SLC22A25: variants seen among roughly 807,000 people sequenced by gnomAD.
The protein encoded by SLC22A25 is solute carrier family 22 member 25.
Under a neutral mutation model 45.9 loss-of-function variants are expected in SLC22A25, and 44 were observed. The ratio of observed to expected loss-of-function variants is 0.96; its 90% CI spans 0.75 to 1.23. SLC22A25 has a LOEUF of 1.23. Ranked by LOEUF, SLC22A25 falls within the 50% of genes most tolerant of loss-of-function variation. The pLI is 0.00. For missense variants in SLC22A25, 800 were observed against 666.4 expected, an observed-to-expected ratio of 1.20 and a Z score of -2.21; for synonymous variants, 283 against 238.6, an observed-to-expected ratio of 1.19 and a Z score of -1.72.
At chr11:63,183,362 A>T (rs911950890) in intron 8 of SLC22A25, among the ~76,000 whole-genome samples, 1 of 152,146 alleles carries the variant, frequency 6.6e-6, no homozygotes, top group Non-Finnish European at 1.5e-5. Flanking sequence ...TTACCCTGAA[A>T]GAAGGCCACA....
intron 3 of SLC22A25, among the ~76,000 whole-genome samples, chr11:63,230,647 T>C (rs753768696): frequency 6.6e-6 from 1 of 151,804 alleles, no homozygotes; most frequent in Non-Finnish European, 1.5e-5. Flanking sequence ...TTAAAAAAAA[T>C]TTATTTATTT....
At chr11:63,225,669 T>G (rs1056924710) in intron 5 of SLC22A25, among the ~76,000 whole-genome samples, 5 of 152,168 alleles carry the variant, frequency 3.3e-5, no homozygotes, top group Admixed American at 1.3e-4. Context: ...TATTGATATC[T>G]TTCTCTGTAT....
In SLC22A25 at chr11:63,185,854, C is replaced by G. The variant is rs1164471843; in HGVS notation, c.831-2037G>C. Among the ~76,000 whole-genome samples the G allele has an allele frequency of 4.2e-3, 619 of 149,016 alleles. 6 individuals carry two copies. The highest frequency in any genetic ancestry group is 0.014 in the African/African-American group (585 of 40,392). On this transcript the variant is annotated intron_variant, in intron 7 of 11. Coordinates refer to ENST00000306494, the MANE Select transcript of SLC22A25 (RefSeq NM_199352.6). ...TGATGATTTCCAATTTCATCCATGTCCCTACAAAGGACGTGAACTCATCAT... is the reference window on the plus strand; with the variant it reads ...TGATGATTTCCAATTTCATCCATGTGCCTACAAAGGACGTGAACTCATCAT...
chr11:63,187,336 G>A (rs1254783618), intron 7 of SLC22A25, among the ~76,000 whole-genome samples: 4 of 152,068 alleles, frequency 2.6e-5, no homozygotes, highest in Non-Finnish European at 4.4e-5. Context: ...TCATGATTTG[G>A]CTCTCTGTTT....
intron 7 of SLC22A25, among the ~76,000 whole-genome samples, chr11:63,193,751 C>T (rs1590836201): frequency 6.6e-6 from 1 of 152,224 alleles, no homozygotes; most frequent in African/African-American, 2.4e-5. Context: ...CAGAGTGCCT[C>T]TTCTCCTCCA....
At chr11:63,179,966 T>C (rs1052602714) in intron 9 of SLC22A25, among the ~76,000 whole-genome samples, 3 of 152,108 alleles carry the variant, frequency 2.0e-5, no homozygotes, top group African/African-American at 7.2e-5. Flanking sequence ...TTTCCTTCCC[T>C]GTGAGGGAAA....
chr11:63,163,638 C>T lies in SLC22A25; in HGVS notation c.*186G>A. On this transcript the variant is annotated 3_prime_UTR_variant, in exon 12 of 12. Transcript: ENST00000306494. ...TTTGGTCTTTTCACCACAAATTAAC[C>T]TCCTGGACAGGCTGGGCAGAGATGG... The T allele has an allele frequency of 1.2e-6, 1 of 854,608 alleles. No individual in the cohort carries two copies. Among genetic ancestry groups the T allele is most frequent in the Non-Finnish European group, 1.7e-6 (1 of 591,058 alleles). The allele number at this position is 854,608 out of a possible 1,614,324, so 52.9% of individuals were successfully genotyped here. A position where few individuals can be genotyped will look rare whatever the true frequency, so the allele number is the denominator to read the frequency against.
At chr11:63,207,547 A>C (rs1186887899) in intron 7 of SLC22A25, among the ~76,000 whole-genome samples, 3 of 152,242 alleles carry the variant, frequency 2.0e-5, no homozygotes, top group African/African-American at 7.2e-5. Flanking sequence ...GAGAAATGCA[A>C]ATCAAAACCA....
At chr11:63,186,779 C>T (rs2088568174) in intron 7 of SLC22A25, among the ~76,000 whole-genome samples, 1 of 152,020 alleles carries the variant, frequency 6.6e-6, no homozygotes, top group Non-Finnish European at 1.5e-5. Flanking sequence ...CCAGTTTTCC[C>T]AGCACCATTT....
At chr11:63,164,115 C>A (rs1295466943) in intron 11 of SLC22A25, 42 bp from the exon 12 acceptor site, 24 of 1,530,912 alleles carry the variant, frequency 1.6e-5, no homozygotes, top group Non-Finnish European at 2.0e-5. Flanking sequence ...TGTTAAAAAT[C>A]ATACATATAA....
At chr11:63,226,398 G>T (rs1419215498) in intron 5 of SLC22A25, among the ~76,000 whole-genome samples, 1 of 152,200 alleles carries the variant, frequency 6.6e-6, no homozygotes, top group Non-Finnish European at 1.5e-5. Flanking sequence ...TGTAGTTCTT[G>T]CAGACTGCCT....
At chr11:63,177,876 GTA>G (rs1296820439) in intron 9 of SLC22A25, among the ~76,000 whole-genome samples, 1 of 33,378 alleles carries the variant, frequency 3.0e-5, no homozygotes, top group Non-Finnish European at 6.5e-5. Context: ...TATATATAAT[GTA>G]TATATATAAT....
rs187602826 is a variant in SLC22A25, at chr11:63,240,133, A to G, written c.-995-998T>C. ...TTCACTGAATACTGTAGGCAATTAT[A>G]ATACATTGGTGCTTGTGTACCTAAA... is the stretch of plus-strand genomic sequence containing the variant. On this transcript the variant is annotated intron_variant, in intron 1 of 11. Coordinates refer to ENST00000306494, the MANE Select transcript of SLC22A25 (RefSeq NM_199352.6). 1.9e-4 allele frequency among the ~76,000 whole-genome samples: 29 copies of G among 152,316 alleles called. No homozygotes were observed. In the East Asian group the frequency reaches 5.2e-3, roughly 27 times the overall value.
intron 7 of SLC22A25, among the ~76,000 whole-genome samples, chr11:63,200,951 G>A (rs927023225): frequency 6.6e-6 from 1 of 152,120 alleles, no homozygotes; most frequent in Non-Finnish European, 1.5e-5. Flanking sequence ...AGCTAACTAA[G>A]GAGGTGAAAG....
chr11:63,217,184 G>T, intron 7 of SLC22A25, 130 bp downstream of exon 7: 1 of 943,920 alleles, frequency 1.1e-6, no homozygotes, highest in Non-Finnish European at 1.5e-6. Flanking sequence ...TTCTTGAATT[G>T]CATATTTAGC....
rs1424110723 is a variant in SLC22A25, at chr11:63,159,442, T to C, written c.*4382A>G. ...TAAGTTTCATGAGATCTGAGGGTTT[T>C]ATAAGGGGGAGTTTCCCTGCAGAAA... On this transcript the variant is annotated 3_prime_UTR_variant, in exon 12 of 12. Transcript: ENST00000306494. Among the ~76,000 whole-genome samples, 3 of 152,136 alleles carry C rather than the reference T, an allele frequency of 2.0e-5. No homozygotes were observed. Among genetic ancestry groups the C allele is most frequent in the African/African-American group, 7.2e-5 (3 of 41,428 alleles).
At chr11:63,169,667 A>G (rs1265567367) in intron 9 of SLC22A25, among the ~76,000 whole-genome samples, 1 of 152,198 alleles carries the variant, frequency 6.6e-6, no homozygotes, top group Non-Finnish European at 1.5e-5. Flanking sequence ...TTCATAAAGC[A>G]AGTTATTAGA....
At chr11:63,202,515 A>G (rs1253523453) in intron 7 of SLC22A25, among the ~76,000 whole-genome samples, 2 of 152,214 alleles carry the variant, frequency 1.3e-5, no homozygotes, top group Non-Finnish European at 2.9e-5. Flanking sequence ...TTTTCCCCTC[A>G]CAGTGTAAAC....
At chr11:63,232,506 T>C (rs905647785) in intron 3 of SLC22A25, among the ~76,000 whole-genome samples, 6 of 152,216 alleles carry the variant, frequency 3.9e-5, no homozygotes, top group Non-Finnish European at 5.9e-5. Context: ...TTTGCTGAAA[T>C]TGGTTATCAG....
Sources: allele counts gnomAD v4.1 joint callset (sites outside exome capture counted in the v4.1 genomes callset), GRCh38; gene constraint gnomAD v4.1.1; transcripts MANE v1.5; gene names NCBI Gene and HGNC (gene_info 2026-07-23, HGNC 2026-07-21).